THUMPD2: variants seen among roughly 807,000 people sequenced by gnomAD.
THUMPD2 encodes THUMP domain 2 tRNA and snRNA guanosine methyltransferase.
In THUMPD2, 56 loss-of-function variants were observed where a neutral mutation model predicts 49.4. That is an observed-to-expected ratio of 1.13 (90% CI 0.91 to 1.41). The LOEUF is 1.41. Ranked by LOEUF, THUMPD2 falls within the 40% of genes most tolerant of loss-of-function variation. The pLI, the probability that THUMPD2 is intolerant of heterozygous loss-of-function variation, is 0.00. For missense variants in THUMPD2, 709 were observed against 594.5 expected (o/e 1.19, Z -2.00); for synonymous variants, 237 against 205.2 (o/e 1.15, Z -1.32).
chr2:39,771,565 C>T lies in THUMPD2; in HGVS notation c.202G>A (p.Glu68Lys). The change falls in exon 2 of 10, where the codon GAA becomes AAA. Residue 68 changes from glutamate to lysine, a missense_variant. Glu to Lys is a moderately conservative substitution (Grantham distance 56). Transcript: ENST00000505747. ...TTTTTAATCAGCAAAAATAATCTTT[C>T]TGCAGATTTTAATTTCTTCAACATA... ...LNMLKKLKSAERLFLLIKKQF... is the reference protein window; with the variant it reads ...LNMLKKLKSAKRLFLLIKKQF... 6.2e-7 allele frequency: 1 copy of T among 1,606,696 alleles called. No homozygotes were observed. Among genetic ancestry groups the T allele is most frequent in the Non-Finnish European group, 8.5e-7 (1 of 1,177,756 alleles).
chr2:39,737,501 C>T (rs1439642383), intron 9 of THUMPD2, among the ~76,000 whole-genome samples: 1 of 152,182 alleles, frequency 6.6e-6, no homozygotes, highest in Non-Finnish European at 1.5e-5. Context: ...GAGGAGAATG[C>T]ATTTACTCAA....
At chr2:39,745,411 A>G (rs1674443465) in intron 8 of THUMPD2, among the ~76,000 whole-genome samples, 1 of 152,204 alleles carries the variant, frequency 6.6e-6, no homozygotes, top group Non-Finnish European at 1.5e-5. Context: ...CGAAAAAAAG[A>G]AGGATAATAT....
intron 8 of THUMPD2, among the ~76,000 whole-genome samples, chr2:39,752,622 T>C (rs996395500): frequency 6.6e-5 from 10 of 152,180 alleles, no homozygotes; most frequent in African/African-American, 2.4e-4. Flanking sequence ...GACTGAAACT[T>C]AATACTAAGA....
At chr2:39,749,747 C>T (rs1474449238) in intron 8 of THUMPD2, among the ~76,000 whole-genome samples, 2 of 152,088 alleles carry the variant, frequency 1.3e-5, no homozygotes, top group African/African-American at 4.8e-5. Flanking sequence ...TCCTAATGCT[C>T]TCCCTCCCCT....
chr2:39,748,944 C>T (rs889866146), intron 8 of THUMPD2, among the ~76,000 whole-genome samples: 1 of 151,712 alleles, frequency 6.6e-6, no homozygotes, highest in African/African-American at 2.4e-5. Flanking sequence ...TATTATCAGA[C>T]CACTACACTC....
At chr2:39,776,208 T>C (rs1003472149) in intron 1 of THUMPD2, among the ~76,000 whole-genome samples, 3 of 152,202 alleles carry the variant, frequency 2.0e-5, no homozygotes, top group Admixed American at 1.3e-4. Flanking sequence ...TGTTTGTAGA[T>C]ATGTAAATTA....
At chr2:39,767,733 T>G (rs984579172) in intron 4 of THUMPD2, among the ~76,000 whole-genome samples, 1 of 152,114 alleles carries the variant, frequency 6.6e-6, no homozygotes, top group Non-Finnish European at 1.5e-5. Context: ...ATTATTTTTT[T>G]AAAGTGACAA....
intron 5 of THUMPD2, among the ~76,000 whole-genome samples, chr2:39,762,993 T>G (rs1306945499): frequency 6.6e-6 from 1 of 151,986 alleles, no homozygotes; most frequent in South Asian, 2.1e-4. Context: ...GGCAAAATTA[T>G]CTCATTACTT....
intron 8 of THUMPD2, among the ~76,000 whole-genome samples, chr2:39,753,966 A>T (rs557481939): frequency 6.6e-6 from 1 of 152,184 alleles, no homozygotes; most frequent in Non-Finnish European, 1.5e-5. Context: ...AAGCACACAC[A>T]CACAAACAGT....
intron 1 of THUMPD2, among the ~76,000 whole-genome samples, chr2:39,774,930 C>T (rs1432804006): frequency 6.6e-6 from 1 of 152,178 alleles, no homozygotes; most frequent in East Asian, 1.9e-4. Context: ...CATATCTAAA[C>T]AGCATTTTTC....
chr2:39,774,193 T>A (rs1475147046), intron 1 of THUMPD2, among the ~76,000 whole-genome samples: 1 of 152,262 alleles, frequency 6.6e-6, no homozygotes, highest in Non-Finnish European at 1.5e-5. Flanking sequence ...AGATAGGATC[T>A]GGCCAGTGAA....
chr2:39,776,641 T>C (rs1156522955), intron 1 of THUMPD2, among the ~76,000 whole-genome samples: 2 of 152,164 alleles, frequency 1.3e-5, no homozygotes, highest in Non-Finnish European at 2.9e-5. Flanking sequence ...TCTGCCCGGC[T>C]TGGCCTCCCA....
intron 8 of THUMPD2, among the ~76,000 whole-genome samples, chr2:39,747,479 C>T (rs1340369299): frequency 6.6e-6 from 1 of 152,102 alleles, no homozygotes; most frequent in Non-Finnish European, 1.5e-5. Context: ...GGTCACCATA[C>T]AGTTTATAGT....
At chr2:39,747,616 G>GA (rs1674787604) in intron 8 of THUMPD2, among the ~76,000 whole-genome samples, 1 of 152,108 alleles carries the variant, frequency 6.6e-6, no homozygotes, top group Non-Finnish European at 1.5e-5. Context: ...TGGTGGCCCT[G>GA]AAAACGTATC....
intron 8 of THUMPD2, among the ~76,000 whole-genome samples, chr2:39,750,561 G>C (rs183895130): frequency 6.6e-6 from 1 of 152,090 alleles, no homozygotes; most frequent in East Asian, 1.9e-4. Context: ...ATAAAAATTA[G>C]CTGGGGGTGA....
chr2:39,763,926 T>C (rs1677165941), intron 5 of THUMPD2, among the ~76,000 whole-genome samples: 1 of 152,216 alleles, frequency 6.6e-6, no homozygotes, highest in Non-Finnish European at 1.5e-5. Flanking sequence ...TTGTTTCTAA[T>C]TTTCTACCAC....
intron 1 of THUMPD2, among the ~76,000 whole-genome samples, chr2:39,773,567 A>T (rs1412443347): frequency 5.0e-5 from 2 of 40,022 alleles, no homozygotes; most frequent in Non-Finnish European, 8.3e-5. Context: ...AAATATATAT[A>T]TATTTATATT....
intron 3 of THUMPD2, chr2:39,769,036 G>C: frequency 7.7e-6 from 10 of 1,304,692 alleles, no homozygotes; most frequent in Non-Finnish European, 8.1e-6. Flanking sequence ...TCTCTACATT[G>C]CTGAGACCTC....
At chr2:39,765,962 T>TA (rs1456499771) in intron 5 of THUMPD2, 95 bp downstream of exon 5, 7 of 975,656 alleles carry the variant, frequency 7.2e-6, no homozygotes, top group Non-Finnish European at 1.1e-5. Context: ...CCTTCTCTGT[T>TA]ATATGAATGC....
Sources: allele counts gnomAD v4.1 joint callset (sites outside exome capture counted in the v4.1 genomes callset), GRCh38; gene constraint gnomAD v4.1.1; transcripts MANE v1.5; gene names NCBI Gene and HGNC (gene_info 2026-07-23, HGNC 2026-07-21).